Variants in PRSS38 observed in about 807,000 individuals in gnomAD.
PRSS38 encodes serine protease 38.
In PRSS38, 22 loss-of-function variants were observed where a neutral mutation model predicts 26.8. That is an observed-to-expected ratio of 0.82 (90% CI 0.59 to 1.17). PRSS38 has a LOEUF of 1.17. Ranked by LOEUF, PRSS38 falls within the 50% of genes most tolerant of loss-of-function variation. The pLI is 0.00. For synonymous variants in PRSS38, 175 were observed against 172.1 expected, an observed-to-expected ratio of 1.02 and a Z score of -0.13; for missense variants, 427 against 422.7, an observed-to-expected ratio of 1.01 and a Z score of -0.09.
chr1:227,829,883 C>G (rs1665127302), intron 3 of PRSS38, among the ~76,000 whole-genome samples: 1 of 152,106 alleles, frequency 6.6e-6, no homozygotes, highest in African/African-American at 2.4e-5. Context: ...TGTTCTTCAT[C>G]TTAGTGGGGG....
intron 3 of PRSS38, among the ~76,000 whole-genome samples, chr1:227,823,019 G>T (rs947204992): frequency 1.3e-5 from 2 of 152,114 alleles, no homozygotes; most frequent in African/African-American, 4.8e-5. Context: ...TGAAGTCTGG[G>T]ATTTTAGAGT....
At chr1:227,815,698 G>T in exon 1 of PRSS38, 5 of 1,561,456 alleles carry the variant, frequency 3.2e-6, no homozygotes, top group African/African-American at 1.4e-5. Context: ...CACCCGCTGG[G>T]GGCGCTGCCT....
At position 227,845,493 on chromosome 1, in the gene PRSS38, G is replaced by T. The variant is rs1665413561; in HGVS notation, c.607G>T (p.Glu203Ter). 1 of 1,611,838 alleles carries T rather than the reference G, an allele frequency of 6.2e-7. No individual in the cohort carries two copies. Reference sequence around the variant, plus strand: ...AGGTGAGACCTCAGACGAGCTGCAGGAGATGCAGCTCCCGCTGATCCTGGA... The same window carrying T: ...AGGTGAGACCTCAGACGAGCTGCAGTAGATGCAGCTCCCGCTGATCCTGGA... The change falls in exon 4 of 5, where the codon GAG (glutamate) becomes TAG (stop). Residue 203 changes from glutamate to a stop codon, truncating the protein, a stop_gained. Transcript: ENST00000366757. LOFTEE classifies it high-confidence loss of function.
chr1:227,837,890 G>T (rs757983366), intron 3 of PRSS38, among the ~76,000 whole-genome samples: 3 of 151,926 alleles, frequency 2.0e-5, no homozygotes, highest in East Asian at 3.8e-4. Context: ...ATTTTCTACC[G>T]CACTGGCTTG....
intron 3 of PRSS38, among the ~76,000 whole-genome samples, chr1:227,837,856 T>C (rs1362822797): frequency 6.6e-6 from 1 of 152,238 alleles, no homozygotes; most frequent in Non-Finnish European, 1.5e-5. Context: ...TCTGGATACA[T>C]GTACTTCAAC....
rs780812229 is a variant in PRSS38, at chr1:227,845,919, T to A, written c.727-35T>A. The A allele has an allele frequency of 1.9e-6, 3 of 1,610,350 alleles. No homozygotes were observed. The Admixed American group carries it at 5.0e-5, about 27-fold the overall frequency. ...GTGCAGGAGGCGGCAGGCCTGGGACTCCCAGTTCACAAAAAACTCCCTCTT... is the reference window on the plus strand; with the variant it reads ...GTGCAGGAGGCGGCAGGCCTGGGACACCCAGTTCACAAAAAACTCCCTCTT... On this transcript the variant is annotated intron_variant, in intron 4 of 4. Transcript: ENST00000366757.
chr1:227,816,158 T>C lies in PRSS38; in HGVS notation c.217T>C (p.Trp73Arg). 1.2e-6 allele frequency: 2 copies of C among 1,613,608 alleles called. No individual in the cohort carries two copies. Among genetic ancestry groups the C allele is most frequent in the South Asian group, 1.1e-5 (1 of 91,064 alleles). Residue 73 changes from tryptophan (W) to arginine (R), a missense_variant, in exon 2 of 5, where the codon TGG (tryptophan) becomes CGG (arginine). By Grantham distance (101) the Trp-to-Arg change is moderately radical (BLOSUM62 -3). Transcript: ENST00000366757. The surrounding 1 kb of genome is among the most constrained non-coding windows in gnomAD (Gnocchi z 5.1). ...CCCTGCGCCCGAGAGGAAGTGGCCGTGGCAGGTCAGCGTGCACTACGCAGG... is the reference window on the plus strand; with the variant it reads ...CCCTGCGCCCGAGAGGAAGTGGCCGCGGCAGGTCAGCGTGCACTACGCAGG...
intron 2 of PRSS38, 62 bp from the exon 3 acceptor site, chr1:227,817,147 A>T: frequency 6.4e-7 from 1 of 1,559,382 alleles, no homozygotes; most frequent in Non-Finnish European, 8.7e-7. Context: ...TGGCCTCCCC[A>T]GGCCTGTGGG....
chr1:227,822,169 A>G (rs1316805404), intron 3 of PRSS38, among the ~76,000 whole-genome samples: 1 of 152,050 alleles, frequency 6.6e-6, no homozygotes, highest in Non-Finnish European at 1.5e-5. Context: ...AATGCCAAAT[A>G]TTCTGTTTGG....
At chr1:227,817,268 G>A in exon 3 of PRSS38, 1 of 1,614,142 alleles carries the variant, frequency 6.2e-7, no homozygotes, top group Non-Finnish European at 8.5e-7. Context: ...AGGGTGGCCG[G>A]CAACCACACC....
At chr1:227,846,226 T>C in exon 5 of PRSS38, 1 of 1,603,300 alleles carries the variant, frequency 6.2e-7, no homozygotes. Flanking sequence ...ATACCCACTC[T>C]AGGATTCTCA....
At chr1:227,827,671 T>G (rs1214028970) in intron 3 of PRSS38, among the ~76,000 whole-genome samples, 1 of 151,896 alleles carries the variant, frequency 6.6e-6, no homozygotes, top group African/African-American at 2.4e-5. Context: ...TTTTGAAGGG[T>G]TTTCCATGTC....
intron 3 of PRSS38, among the ~76,000 whole-genome samples, chr1:227,844,336 C>T (rs1404482281): frequency 2.0e-5 from 3 of 152,088 alleles, no homozygotes; most frequent in Non-Finnish European, 4.4e-5. Flanking sequence ...CCCTACCCCC[C>T]ATGAGTGGTG....
intron 3 of PRSS38, among the ~76,000 whole-genome samples, chr1:227,841,214 G>A (rs1382831710): frequency 3.9e-5 from 6 of 152,248 alleles, no homozygotes; most frequent in African/African-American, 4.8e-5. Flanking sequence ...GCCTGAGCTG[G>A]GGGGCTGGAC....
intron 3 of PRSS38, among the ~76,000 whole-genome samples, chr1:227,836,166 A>C (rs930888123): frequency 6.6e-6 from 1 of 151,906 alleles, no homozygotes; most frequent in African/African-American, 2.4e-5. Context: ...TAATATGAAC[A>C]CAGCTTATTG....
At chr1:227,828,800 A>C (rs573852442) in intron 3 of PRSS38, among the ~76,000 whole-genome samples, 1 of 152,222 alleles carries the variant, frequency 6.6e-6, no homozygotes, top group African/African-American at 2.4e-5. Flanking sequence ...CTTGCTGGGA[A>C]TCCTGGGGCC....
At chr1:227,827,271 T>C (rs756726381) in intron 3 of PRSS38, among the ~76,000 whole-genome samples, 3 of 152,230 alleles carry the variant, frequency 2.0e-5, no homozygotes, top group Non-Finnish European at 4.4e-5. Flanking sequence ...GGCTCTTCTT[T>C]GTACCTCTGG....
intron 3 of PRSS38, among the ~76,000 whole-genome samples, chr1:227,828,586 C>A (rs1416300632): frequency 6.6e-6 from 1 of 152,180 alleles, no homozygotes; most frequent in Non-Finnish European, 1.5e-5. Flanking sequence ...AGGAGCAGTG[C>A]CATCTCTGCA....
upstream of PRSS38, chr1:227,815,692 C>T (rs200738511): frequency 2.1e-5 from 33 of 1,553,568 alleles, no homozygotes; most frequent in Admixed American, 9.4e-5. Flanking sequence ...GCTAGTCACC[C>T]GCTGGGGGCG....
Sources: gnomAD v4.1 joint callset for allele counts (sites outside exome capture counted in the v4.1 genomes callset) on GRCh38, gnomAD v4.1.1 for gene constraint, Gnocchi (gnomAD v3.1) non-coding constraint, MANE v1.5 for transcripts, NCBI Gene and HGNC (gene_info 2026-07-23, HGNC 2026-07-21) for gene names.